Variants in RAD9A observed in about 807,000 individuals in gnomAD.
RAD9A encodes the protein cell cycle checkpoint control protein RAD9A.
A neutral mutation model predicts 41.2 loss-of-function variants in RAD9A; 25 were observed. That is an observed-to-expected ratio of 0.61 (90% CI 0.44 to 0.85). The LOEUF (loss-of-function observed/expected upper bound fraction) is 0.85. RAD9A is among the 40% of genes least tolerant of loss of function. The pLI, the probability that RAD9A is intolerant of heterozygous loss-of-function variation, is 0.00. For missense variants in RAD9A, 514 were observed against 518.3 expected (o/e 0.99, Z 0.08); for synonymous variants, 252 against 210.6 (o/e 1.20, Z -1.70).
chr11:67,397,700 AGCTG>A lies in RAD9A; in HGVS notation c.*146_*149del, dbSNP rs1862756566. 1.3e-6 allele frequency: 1 copy of A among 778,500 alleles called. No individual in the cohort carries two copies. Among genetic ancestry groups the A allele is most frequent in the Non-Finnish European group, 2.0e-6 (1 of 495,688 alleles). 48.2% of individuals were successfully genotyped at this position (778,500 alleles called of 1,614,324 possible). On this transcript the variant is annotated 3_prime_UTR_variant, in exon 11 of 11. Coordinates refer to ENST00000307980, the MANE Select transcript of RAD9A (RefSeq NM_004584.3). ...TGTTTCACTGCCTCTCGCAGGCCCCAGCTGGCTGTCACTGTAAAGCTGTCCCACA... is the reference window on the plus strand; with the variant it reads ...TGTTTCACTGCCTCTCGCAGGCCCCAGCTGTCACTGTAAAGCTGTCCCACA...
At position 67,392,092 on chromosome 11, in the gene RAD9A, G is replaced by C; in HGVS notation, c.34+14G>C. 1 of 1,601,440 alleles carries C rather than the reference G, an allele frequency of 6.2e-7. No individual in the cohort carries two copies. Among genetic ancestry groups the C allele is most frequent in the Non-Finnish European group, 8.5e-7 (1 of 1,175,456 alleles). On this transcript the variant is annotated intron_variant, in intron 1 of 10. Coordinates refer to ENST00000307980, the MANE Select transcript of RAD9A (RefSeq NM_004584.3). Reference sequence around the variant, plus strand: ...GCAACGTGAAGGGTGAGTGCAGGTCGGCCTGGCAGCGGCGGTGCAGCAGCC... The same window carrying C: ...GCAACGTGAAGGGTGAGTGCAGGTCCGCCTGGCAGCGGCGGTGCAGCAGCC...
rs781054044 is a variant in RAD9A at position 67,393,735 on chromosome 11, C to T, written c.394C>T (p.Leu132=). ...HNLSFQDCES[L]QAVFDPASCP... ...CCTGTCCTTCCAGGACTGTGAGTCC[C>T]TGCAGGCCGTCTTCGACCCAGCCTC... Residue 132 remains leucine (L), a synonymous_variant, in exon 5 of 11, where the codon CTG becomes TTG. Transcript: ENST00000307980. 15 of 1,613,212 alleles carry T rather than the reference C, an allele frequency of 9.3e-6. No individual in the cohort carries two copies. The highest frequency in any genetic ancestry group is 1.7e-5 in the Admixed American group (1 of 59,972).
Position 67,396,146 on chromosome 11 carries a change from T to C in RAD9A, c.705T>C (p.Asn235=), listed in dbSNP as rs1319938883. 1.6e-5 allele frequency: 26 copies of C among 1,613,844 alleles called. No homozygotes were observed. The highest frequency in any genetic ancestry group is 2.1e-5 in the Non-Finnish European group (25 of 1,179,900). Residue 235 remains asparagine (N), a synonymous_variant, in exon 8 of 11, where the codon AAT becomes AAC. Transcript: ENST00000307980. ...LLSFAESANL[N]LSIHFDAPGR... ...GCTTTGCAGAGTCAGCAAACTTGAA[T>C]CTTAGCATTCATTTTGATGCTCCAG...
Position 67,396,000 on chromosome 11 carries a change from T to G in RAD9A, c.648T>G (p.Thr216=). ...QLQAQEGVAI[T]FCLKEFRGLL... is the part of the protein sequence containing the mutation. ...AGGCCCAGGAAGGGGTGGCCATCAC[T>G]TTCTGCCTCAAGGAATTCCGGGTGA... is the stretch of plus-strand genomic sequence containing the variant. The change falls in exon 7 of 11, where the codon ACT becomes ACG. Residue 216 remains threonine (T), a synonymous_variant. Transcript: ENST00000307980. 1 of 1,614,118 alleles carries G rather than the reference T, an allele frequency of 6.2e-7. No homozygotes were observed. The highest frequency in any genetic ancestry group is 2.2e-5 in the East Asian group (1 of 44,870).
chr11:67,392,262 G>GGGGGGGGGGGGGGGGGGGGC, intron 2 of RAD9A, 31 bp downstream of exon 2: 1 of 600,784 alleles, frequency 1.7e-6, no homozygotes, highest in East Asian at 4.3e-5. Flanking sequence ...GGGCGGGTGG[G>GGGGGGGGGGGGGGGGGGGGC]ACTCCAGCCG....
At chr11:67,392,258 G>GTT in intron 2 of RAD9A, 27 bp downstream of exon 2, 1 of 1,319,210 alleles carries the variant, frequency 7.6e-7, no homozygotes, top group Non-Finnish European at 1.1e-6. Context: ...TGGGGGGCGG[G>GTT]TGGGACTCCA....
At chr11:67,392,254 G>GGT in intron 2 of RAD9A, 23 bp downstream of exon 2, 1 of 1,500,938 alleles carries the variant, frequency 6.7e-7, no homozygotes, top group Non-Finnish European at 9.1e-7. Context: ...GGTGTGGGGG[G>GGT]CGGGTGGGAC....
rs1340503652 is a variant in RAD9A, at chr11:67,397,799, A to G, written c.*240A>G. 11 of 533,068 alleles carry G rather than the reference A, an allele frequency of 2.1e-5. No individual in the cohort carries two copies. Among genetic ancestry groups the G allele is most frequent in the Non-Finnish European group, 3.3e-5 (10 of 300,602 alleles). The allele number at this position is 533,068 out of a possible 1,614,324, so 33.0% of individuals were successfully genotyped here. A position where few individuals can be genotyped will look rare whatever the true frequency, so the allele number is the denominator to read the frequency against. On this transcript the variant is annotated 3_prime_UTR_variant, in exon 11 of 11. Coordinates refer to ENST00000307980, the MANE Select transcript of RAD9A (RefSeq NM_004584.3). Reference sequence around the variant, plus strand: ...CAGGACTTTCCAGACTTGGCCCTGAACTACTGACGTTCCTACCTCTTATTT... The same window carrying G: ...CAGGACTTTCCAGACTTGGCCCTGAGCTACTGACGTTCCTACCTCTTATTT...
At chr11:67,393,854 G>A (rs1436641587) in intron 5 of RAD9A, 64 bp downstream of exon 5, 2 of 1,351,994 alleles carry the variant, frequency 1.5e-6, no homozygotes, top group Admixed American at 2.6e-5. Flanking sequence ...GGGCCCCAAG[G>A]GGTTGATTTT....
chr11:67,395,596 C>T (rs532052843), intron 5 of RAD9A, 120 bp from the exon 6 acceptor site: 104 of 747,508 alleles, frequency 1.4e-4, no homozygotes, highest in African/African-American at 1.3e-3. Context: ...GCCTCATCCA[C>T]GGTGCGCTAG....
Position 67,396,389 on chromosome 11 carries a change from C to T in RAD9A, c.861C>T (p.Leu287=), listed in dbSNP as rs761945572. Residue 287 remains leucine, a synonymous_variant, in exon 9 of 11, where the codon CTC becomes CTT. Coordinates refer to ENST00000307980, the MANE Select transcript of RAD9A (RefSeq NM_004584.3). ...SPERHQPVPQ[L]QAHSTPHPDD... ...AGCGTCACCAGCCAGTGCCTCAGCT[C>T]CAGGCTCACAGGTGAGGGCACCTCC... 26 of 1,613,848 alleles carry T rather than the reference C, an allele frequency of 1.6e-5. No individual in the cohort carries two copies. In the East Asian group the frequency reaches 5.6e-4, roughly 35 times the overall value.
chr11:67,397,413 T>TG (rs1466455621), intron 10 of RAD9A, 27 bp downstream of exon 10: 11 of 1,574,610 alleles, frequency 7.0e-6, no homozygotes, highest in Non-Finnish European at 9.5e-6. Context: ...GAGGCAGGGG[T>TG]GGGAGGTAGG....
rs1399502898 is a variant in RAD9A at position 67,397,231 on chromosome 11, G to A, written c.925G>A (p.Ala309Thr). Reference sequence around the variant, plus strand: ...TGACGACATTGACTCTTACATGATCGCCATGGAAACCACTATAGGCAATGA... The same window carrying A: ...TGACGACATTGACTCTTACATGATCACCATGGAAACCACTATAGGCAATGA... ...ANDDIDSYMI[A>T]METTIGNEGS... The change falls in exon 10 of 11, where the codon GCC becomes ACC. Residue 309 changes from alanine (A) to threonine (T), a missense_variant. This residue lies in a region of RAD9A where 216 missense variants were observed against 184.2 expected (regional missense o/e 1.17). Transcript: ENST00000307980. The A allele has an allele frequency of 2.5e-6, 4 of 1,613,624 alleles. No homozygotes were observed. The highest frequency in any genetic ancestry group is 2.7e-5 in the African/African-American group (2 of 74,846).
At chr11:67,392,548 G>A in intron 2 of RAD9A, 106 bp from the exon 3 acceptor site, 2 of 1,455,926 alleles carry the variant, frequency 1.4e-6, no homozygotes, top group Non-Finnish European at 1.9e-6. Flanking sequence ...GCAGGTGGTG[G>A]CGGAGCGGGA....
chr11:67,395,691 G>A (rs929472405), intron 5 of RAD9A, 25 bp from the exon 6 acceptor site: 13 of 1,547,122 alleles, frequency 8.4e-6, no homozygotes, highest in African/African-American at 8.2e-5. Flanking sequence ...CAGGCATTTC[G>A]GGTAATGCTC....
At chr11:67,396,966 A>G (rs1257309325) in intron 9 of RAD9A, among the ~76,000 whole-genome samples, 1 of 151,954 alleles carries the variant, frequency 6.6e-6, no homozygotes, top group African/African-American at 2.4e-5. Flanking sequence ...TCAGGCCCCT[A>G]CCTGAATTCT....
intron 9 of RAD9A, 100 bp downstream of exon 9, chr11:67,396,500 T>G: frequency 1.4e-6 from 2 of 1,413,572 alleles, no homozygotes; most frequent in Non-Finnish European, 1.9e-6. Context: ...ATGTGTTCTC[T>G]CCCGCCCCTT....
At chr11:67,394,512 C>T (rs374055246) in intron 5 of RAD9A, among the ~76,000 whole-genome samples, 2 of 152,322 alleles carry the variant, frequency 1.3e-5, no homozygotes, top group Admixed American at 6.5e-5. Flanking sequence ...CTGAAGATCC[C>T]TTTGGGTCCT....
chr11:67,393,682 C>T lies in RAD9A; in HGVS notation c.350-9C>T. On this transcript the variant is annotated splice_polypyrimidine_tract_variant and intron_variant, in intron 4 of 10. Transcript: ENST00000307980. ...GGCGAGGCCCACTGAGACCCTATCGCCCATCCAGGGGTGCGGAAGACTCAC... is the reference window on the plus strand; with the variant it reads ...GGCGAGGCCCACTGAGACCCTATCGTCCATCCAGGGGTGCGGAAGACTCAC... The T allele has an allele frequency of 1.9e-6, 3 of 1,612,870 alleles. No homozygotes were observed. The highest frequency in any genetic ancestry group is 2.5e-6 in the Non-Finnish European group (3 of 1,179,046).
Sources: gnomAD v4.1 joint callset for allele counts (sites outside exome capture counted in the v4.1 genomes callset) on GRCh38, gnomAD v4.1.1 for gene constraint, gnomAD v4.1.1 regional missense constraint, MANE v1.5 for transcripts, NCBI Gene and HGNC (gene_info 2026-07-23, HGNC 2026-07-21) for gene names.